Variants in OPRM1 observed in about 807,000 individuals in gnomAD.
OPRM1 encodes the protein opioid receptor mu 1, also known as mu-type opioid receptor.
A neutral mutation model predicts 31.8 loss-of-function variants in OPRM1; 27 were observed. The observed-to-expected ratio is 0.85, with a 90% confidence interval of 0.63 to 1.17. The LOEUF is 1.17. OPRM1 is among the 50% of genes most tolerant of loss of function. The probability of loss-of-function intolerance (pLI) is 0.00; values close to 1 mark genes in which losing one functional copy is unlikely to be tolerated. For missense variants in OPRM1, 536 were observed against 511.1 expected (o/e 1.05, Z -0.47); for synonymous variants, 196 against 189.9 (o/e 1.03, Z -0.26).
Position 154,068,648 on chromosome 6 carries a change from A to C in OPRM1, c.291-21178A>C, listed in dbSNP as rs7453922. On this transcript the variant is annotated intron_variant, in intron 1 of 3. Coordinates refer to ENST00000330432, the MANE Select transcript of OPRM1 (RefSeq NM_000914.5). ...TTATTCCATATCTTGGTTATTGTGA[A>C]TAGTGCTGCAATAAACATGGGAACG... is the stretch of plus-strand genomic sequence containing the variant. Among the ~76,000 whole-genome samples the C allele has an allele frequency of 2.7e-4, 41 of 152,094 alleles. 1 individual carries two copies. Among genetic ancestry groups the C allele is most frequent in the Non-Finnish European group, 1.5e-5 (1 of 68,002 alleles).
chr6:154,037,643 A>G (rs1779391059), upstream of OPRM1, among the ~76,000 whole-genome samples: 1 of 152,114 alleles, frequency 6.6e-6, no homozygotes, highest in Admixed American at 6.5e-5. Context: ...AATATATGAA[A>G]TATAGTGGTA....
chr6:154,151,918 A>G (rs1034435272), intron 3 of OPRM1, among the ~76,000 whole-genome samples: 1 of 152,078 alleles, frequency 6.6e-6, no homozygotes, highest in Non-Finnish European at 1.5e-5. Flanking sequence ...TCAAGCCTGT[A>G]AGTCCCAGCA....
intron 3 of OPRM1, chr6:154,093,347 A>T (rs780882968): frequency 6.2e-7 from 1 of 1,613,902 alleles, no homozygotes; most frequent in African/African-American, 1.3e-5. Flanking sequence ...CACTGCAAGG[A>T]CCTCTTGTCA....
chr6:154,037,288 G>T (rs1054572458), upstream of OPRM1, among the ~76,000 whole-genome samples: 2 of 151,104 alleles, frequency 1.3e-5, no homozygotes, highest in Non-Finnish European at 3.0e-5. Context: ...GGCTTGGATT[G>T]TGTTTAGGAA....
intron 3 of OPRM1, among the ~76,000 whole-genome samples, chr6:154,186,893 G>C (rs112487217): frequency 6.6e-6 from 1 of 151,888 alleles, no homozygotes. Context: ...AGATGGCACC[G>C]CTCCTCCCTG....
In OPRM1 at chr6:154,091,102, G is replaced by A. The variant is rs376950705; in HGVS notation, c.794G>A (p.Arg265His). ...GLMILRLKSV[R>H]MLSGSKEKDR... ...ATGATCTTGCGCCTCAAGAGTGTCCGCATGCTCTCTGGCTCCAAAGAAAAG... is the reference window on the plus strand; with the variant it reads ...ATGATCTTGCGCCTCAAGAGTGTCCACATGCTCTCTGGCTCCAAAGAAAAG... Residue 265 changes from arginine (R) to histidine (H), a missense_variant, in exon 3 of 4, where the codon CGC becomes CAC. By Grantham distance (29) the Arg-to-His change is conservative (BLOSUM62 0). Transcript: ENST00000330432. The A allele has an allele frequency of 6.8e-5, 110 of 1,613,990 alleles. 1 individual carries two copies. In the African/African-American group the frequency reaches 9.6e-4, roughly 14 times the overall value.
At chr6:154,018,899 T>C (rs1250930098) in intron 1 of OPRM1, among the ~76,000 whole-genome samples, 2 of 152,152 alleles carry the variant, frequency 1.3e-5, no homozygotes, top group Non-Finnish European at 2.9e-5. Flanking sequence ...ACATAATTTC[T>C]CCTCCACAAA....
intron 1 of OPRM1, among the ~76,000 whole-genome samples, chr6:154,022,628 T>A (rs190107695): frequency 6.5e-4 from 99 of 152,322 alleles, no homozygotes; most frequent in Middle Eastern, 3.4e-3. Flanking sequence ...AAATTTTTGC[T>A]GAGACCAACG....
rs577250048 is a variant in OPRM1 at position 154,094,013 on chromosome 6, G to A, written c.1164+2541G>A. Among the ~76,000 whole-genome samples the A allele has an allele frequency of 2.0e-4, 31 of 152,306 alleles. No individual in the cohort carries two copies. The South Asian group carries it at 3.3e-3, about 16-fold the overall frequency. ...GAATGTGATAAACAGGTGTTTGGTC[G>A]TTGTTTCACATCATGACCCATCATG... On this transcript the variant is annotated intron_variant, in intron 3 of 3. Coordinates refer to ENST00000330432, the MANE Select transcript of OPRM1 (RefSeq NM_000914.5).
chr6:154,218,359 G>C (rs575959892), intron 3 of OPRM1, among the ~76,000 whole-genome samples: 6 of 152,274 alleles, frequency 3.9e-5, no homozygotes, highest in African/African-American at 1.4e-4. Context: ...ACTTACCCCT[G>C]TACTTTTAAA....
At chr6:154,013,600 AGTATC>A (rs1260562060) in intron 1 of OPRM1, among the ~76,000 whole-genome samples, 1 of 152,210 alleles carries the variant, frequency 6.6e-6, no homozygotes, top group South Asian at 2.1e-4. Context: ...AGTAAAATGA[AGTATC>A]AATAGTGTGT....
intron 1 of OPRM1, among the ~76,000 whole-genome samples, chr6:154,057,939 A>G (rs981691649): frequency 6.6e-6 from 1 of 152,236 alleles, no homozygotes; most frequent in Admixed American, 6.5e-5. Flanking sequence ...TGTAACTATC[A>G]AAAGAGAAAT....
At chr6:154,018,359 G>A (rs139075353) in intron 1 of OPRM1, among the ~76,000 whole-genome samples, 1 of 152,286 alleles carries the variant, frequency 6.6e-6, no homozygotes, top group Non-Finnish European at 1.5e-5. Context: ...GGCAGAGGTT[G>A]CAGTGAGCTG....
At chr6:154,135,484 G>GATAGATAGATATAGAT (rs1554283099), downstream of OPRM1, among the ~76,000 whole-genome samples, 2 of 144,366 alleles carry the variant, frequency 1.4e-5, no homozygotes, top group Non-Finnish European at 3.0e-5. Flanking sequence ...AAAATATATA[G>GATAGATAGATATAGAT]ATAGATATAG....
At chr6:154,070,953 T>G (rs1316871045) in intron 1 of OPRM1, among the ~76,000 whole-genome samples, 3 of 152,194 alleles carry the variant, frequency 2.0e-5, no homozygotes, top group Non-Finnish European at 4.4e-5. Context: ...TCTTAATCCT[T>G]TAACAATTAA....
chr6:154,232,969 CTT>C (rs780567029), intron 3 of OPRM1, among the ~76,000 whole-genome samples: 20 of 134,542 alleles, frequency 1.5e-4, no homozygotes, highest in Admixed American at 3.0e-4. Flanking sequence ...TTTTTCTTTT[CTT>C]TTTTTTTTTT....
intron 3 of OPRM1, among the ~76,000 whole-genome samples, chr6:154,241,224 G>A (rs1011006658): frequency 1.8e-5 from 2 of 113,720 alleles, no homozygotes; most frequent in South Asian, 5.7e-4. Context: ...AACAAAGTGA[G>A]ACTCCATCTC....
At chr6:154,021,506 A>AT (rs772584976) in intron 1 of OPRM1, among the ~76,000 whole-genome samples, 2 of 152,130 alleles carry the variant, frequency 1.3e-5, no homozygotes, top group African/African-American at 2.4e-5. Flanking sequence ...TATTTCTGGG[A>AT]TTTTGATTGG....
intron 3 of OPRM1, among the ~76,000 whole-genome samples, chr6:154,241,369 C>A (rs1780578758): frequency 6.7e-6 from 1 of 149,658 alleles, no homozygotes; most frequent in Non-Finnish European, 1.5e-5. Context: ...TAAATGAAAA[C>A]TAAAAAACAC....
Sources: gnomAD v4.1 joint callset for allele counts (sites outside exome capture counted in the v4.1 genomes callset) on GRCh38, gnomAD v4.1.1 for gene constraint, MANE v1.5 for transcripts, NCBI Gene and HGNC (gene_info 2026-07-23, HGNC 2026-07-21) for gene names.